Variants in MTA3 observed in about 807,000 individuals in gnomAD.
MTA3 encodes the protein metastasis-associated protein MTA3.
In MTA3, 34 loss-of-function variants were observed where a neutral mutation model predicts 83.5. That is an observed-to-expected ratio of 0.41 (90% CI 0.31 to 0.54). MTA3 has a LOEUF of 0.54. MTA3 is among the 20% of genes least tolerant of loss of function. The pLI, the probability that MTA3 is intolerant of heterozygous loss-of-function variation, is 0.33. For synonymous variants in MTA3, 303 were observed against 252.7 expected, an observed-to-expected ratio of 1.20 and a Z score of -1.89; for missense variants, 761 against 726.4, an observed-to-expected ratio of 1.05 and a Z score of -0.55.
intron 8 of MTA3, among the ~76,000 whole-genome samples, chr2:42,668,686 G>A (rs1690515739): frequency 6.6e-6 from 1 of 152,034 alleles, no homozygotes; most frequent in South Asian, 2.1e-4. Context: ...GTCATGCCGT[G>A]TTTATTATTT....
chr2:42,546,764 G>A (rs1380906540), intron 2 of MTA3, among the ~76,000 whole-genome samples: 3 of 152,126 alleles, frequency 2.0e-5, no homozygotes, highest in Admixed American at 6.5e-5. Context: ...CCCAGCATCC[G>A]TGTTCATATA....
At chr2:42,601,182 G>T (rs972560865) in intron 3 of MTA3, among the ~76,000 whole-genome samples, 1 of 152,152 alleles carries the variant, frequency 6.6e-6, no homozygotes, top group African/African-American at 2.4e-5. Flanking sequence ...TGGGATTAAG[G>T]TGTGAGTCAC....
At position 42,732,260 on chromosome 2, in the gene MTA3, A is replaced by T. The variant is rs1381114220; in HGVS notation, c.1759+9225A>T. ...TGCCTGGGCATCCAGGCATTTCCATACATCTTCTGAAATCTAGATGGAGGC... is the reference window on the plus strand; with the variant it reads ...TGCCTGGGCATCCAGGCATTTCCATTCATCTTCTGAAATCTAGATGGAGGC... On this transcript the variant is annotated intron_variant, in intron 16 of 16. Transcript: ENST00000405094. Among the ~76,000 whole-genome samples the T allele has an allele frequency of 7.2e-5, 11 of 152,108 alleles. 1 individual carries two copies. The East Asian group carries it at 2.1e-3, about 29-fold the overall frequency.
At chr2:42,639,930 T>C (rs1445506628) in intron 4 of MTA3, among the ~76,000 whole-genome samples, 2 of 152,238 alleles carry the variant, frequency 1.3e-5, no homozygotes, top group Non-Finnish European at 1.5e-5. Flanking sequence ...TATTAGGATT[T>C]ATTGCCTAAC....
Position 42,650,399 on chromosome 2 carries a change from C to T in MTA3, c.500-5801C>T, listed in dbSNP as rs566427635. 1.2e-4 allele frequency among the ~76,000 whole-genome samples: 19 copies of T among 152,054 alleles called. No individual in the cohort carries two copies. The South Asian group carries it at 1.7e-3, about 13-fold the overall frequency. On this transcript the variant is annotated intron_variant, in intron 6 of 16. Coordinates refer to ENST00000405094, the MANE Select transcript of MTA3 (RefSeq NM_001330442.2). ...AATATAAATGATTATATGGTCTGGT[C>T]TATTTCTGTACATTTGATTGTGTTT...
chr2:42,579,997 G>A (rs897323626), intron 3 of MTA3, among the ~76,000 whole-genome samples: 7 of 152,168 alleles, frequency 4.6e-5, no homozygotes, highest in African/African-American at 1.7e-4. Context: ...GCTGGAGAGT[G>A]CAGTGGCACA....
At chr2:42,494,436 G>C (rs1385420105), upstream of MTA3, 1 of 152,374 alleles carries the variant, frequency 6.6e-6, no homozygotes, top group Non-Finnish European at 1.5e-5. Flanking sequence ...CTCGGGTTCT[G>C]ACATCGCCCC....
chr2:42,745,780 G>A (rs74829220), intron 16 of MTA3, among the ~76,000 whole-genome samples: 6,301 of 135,946 alleles, frequency 0.046, 187 homozygotes, highest in Middle Eastern at 0.12. Flanking sequence ...CTGTTATTGG[G>A]TATATTTGTA....
intron 9 of MTA3, among the ~76,000 whole-genome samples, chr2:42,691,156 C>T (rs975400043): frequency 2.6e-5 from 4 of 152,052 alleles, no homozygotes; most frequent in Admixed American, 6.6e-5. Context: ...AGATTACAGG[C>T]GCATGCCACC....
chr2:42,682,586 T>C lies in MTA3; in HGVS notation c.888T>C (p.Asp296=), dbSNP rs1179709109. The C allele has an allele frequency of 6.2e-7, 1 of 1,607,898 alleles. No homozygotes were observed. The highest frequency in any genetic ancestry group is 2.2e-5 in the East Asian group (1 of 44,718). Residue 296 remains aspartate (D), a synonymous_variant, in exon 9 of 17, where the codon GAT becomes GAC. Transcript: ENST00000405094. ...YGKDFNDIRQ[D]FLPWKSLTSI... The stretch of plus-strand genomic sequence containing the variant: ...AAGACTTCAATGACATACGGCAAGA[T>C]TTTGTAAGTAGAAAATTATGAGTAA...
chr2:42,640,905 T>C (rs1001031144), intron 5 of MTA3, among the ~76,000 whole-genome samples: 2 of 152,184 alleles, frequency 1.3e-5, no homozygotes, highest in Non-Finnish European at 2.9e-5. Flanking sequence ...TTATTACATA[T>C]ACGTATGTTT....
intron 6 of MTA3, among the ~76,000 whole-genome samples, chr2:42,647,049 G>A (rs1044206177): frequency 1.3e-5 from 2 of 150,416 alleles, no homozygotes; most frequent in East Asian, 2.0e-4. Flanking sequence ...CCAGCTACTC[G>A]GGAGGCTGAG....
chr2:42,551,227 G>T (rs1677096282), intron 2 of MTA3, among the ~76,000 whole-genome samples: 1 of 151,738 alleles, frequency 6.6e-6, no homozygotes, highest in South Asian at 2.1e-4. Flanking sequence ...GTCTTGCTCT[G>T]TCGCCCAGGC....
intron 2 of MTA3, among the ~76,000 whole-genome samples, chr2:42,500,061 G>A (rs1674328720): frequency 6.6e-6 from 1 of 151,942 alleles, no homozygotes; most frequent in African/African-American, 2.4e-5. Flanking sequence ...TTGAGGTCAG[G>A]AGTTTGAGAC....
chr2:42,644,873 C>T (rs1367187977), intron 6 of MTA3, among the ~76,000 whole-genome samples: 1 of 152,088 alleles, frequency 6.6e-6, no homozygotes, highest in Non-Finnish European at 1.5e-5. Flanking sequence ...CCCTTCCCTG[C>T]CTCTTTCTCT....
intron 2 of MTA3, among the ~76,000 whole-genome samples, chr2:42,570,937 C>T (rs1232156364): frequency 1.3e-5 from 2 of 151,490 alleles, no homozygotes; most frequent in African/African-American, 4.9e-5. Context: ...CGCTTGAACC[C>T]GGGAGGCGGA....
chr2:42,645,584 G>A (rs1288577665), intron 6 of MTA3, among the ~76,000 whole-genome samples: 1 of 152,060 alleles, frequency 6.6e-6, no homozygotes, highest in African/African-American at 2.4e-5. Flanking sequence ...CTTTACTGCT[G>A]ATACCATGGA....
intron 9 of MTA3, among the ~76,000 whole-genome samples, chr2:42,683,895 C>A (rs957317933): frequency 6.6e-6 from 1 of 152,044 alleles, no homozygotes; most frequent in Non-Finnish European, 1.5e-5. Context: ...GGTTGGGGAC[C>A]CCTGAGTATC....
At chr2:42,690,853 T>TCAGTAGAAATGGGGTTTCAC (rs1171974493) in intron 9 of MTA3, among the ~76,000 whole-genome samples, 3 of 121,650 alleles carry the variant, frequency 2.5e-5, no homozygotes, top group Non-Finnish European at 4.9e-5. Flanking sequence ...TTTTGTATTT[T>TCAGTAGAAATGGGGTTTCAC]TATTTTATTT....
Sources: allele counts gnomAD v4.1 joint callset (sites outside exome capture counted in the v4.1 genomes callset), GRCh38; gene constraint gnomAD v4.1.1; transcripts MANE v1.5; gene names NCBI Gene and HGNC (gene_info 2026-07-23, HGNC 2026-07-21).